The following PTH2R variants were observed in gnomAD, a reference collection of about 807,000 sequenced individuals.
PTH2R encodes the protein PTH2 receptor.
PTH2R carries 59 observed loss-of-function variants against 60.3 expected under a neutral mutation model. That is an observed-to-expected ratio of 0.98 (90% CI 0.79 to 1.22). The LOEUF is 1.22. PTH2R is among the 50% of genes most tolerant of loss of function. The pLI is 0.00. For synonymous variants in PTH2R, 256 were observed against 243.8 expected, an observed-to-expected ratio of 1.05 and a Z score of -0.47; for missense variants, 749 against 682.6, an observed-to-expected ratio of 1.10 and a Z score of -1.08.
intron 1 of PTH2R, among the ~76,000 whole-genome samples, chr2:208,377,632 C>A (rs1466364934): frequency 1.3e-5 from 2 of 151,296 alleles, no homozygotes; most frequent in Admixed American, 6.6e-5. Flanking sequence ...GGCTGCTGGG[C>A]AGAGGGGCTC....
intron 2 of PTH2R, among the ~76,000 whole-genome samples, chr2:208,436,208 T>C (rs1702071530): frequency 6.6e-6 from 1 of 152,094 alleles, no homozygotes; most frequent in African/African-American, 2.4e-5. Flanking sequence ...GGAAAAGGTA[T>C]AAGGAAGATT....
At chr2:208,470,116 T>C (rs1301657923) in intron 9 of PTH2R, among the ~76,000 whole-genome samples, 2 of 152,222 alleles carry the variant, frequency 1.3e-5, no homozygotes, top group Non-Finnish European at 2.9e-5. Context: ...GACTTACTCT[T>C]GGGTACTTAT....
intron 8 of PTH2R, among the ~76,000 whole-genome samples, chr2:208,453,122 C>T (rs1390979004): frequency 2.6e-5 from 4 of 152,220 alleles, no homozygotes; most frequent in Admixed American, 2.6e-4. Context: ...CTATGTCTAG[C>T]CTTTTGTCTT....
chr2:208,437,481 C>G, intron 2 of PTH2R, 56 bp from the exon 3 acceptor site: 3 of 1,458,340 alleles, frequency 2.1e-6, no homozygotes, highest in Non-Finnish European at 2.8e-6. Context: ...CATTTGTTCT[C>G]TGGTTCTAAC....
intron 2 of PTH2R, among the ~76,000 whole-genome samples, chr2:208,433,257 T>G (rs1444588659): frequency 2.6e-5 from 4 of 152,226 alleles, no homozygotes; most frequent in African/African-American, 9.6e-5. Flanking sequence ...GTTATTTGCA[T>G]GGAGATCTTT....
chr2:208,386,340 G>T (rs1392284928), intron 1 of PTH2R, among the ~76,000 whole-genome samples: 2 of 152,220 alleles, frequency 1.3e-5, no homozygotes, highest in Non-Finnish European at 2.9e-5. Context: ...ATATGGTATT[G>T]ATGTAGATTC....
At chr2:208,412,585 G>T (rs564372657) in intron 1 of PTH2R, among the ~76,000 whole-genome samples, 1 of 152,330 alleles carries the variant, frequency 6.6e-6, no homozygotes, top group East Asian at 1.9e-4. Context: ...AGCCTTGAAA[G>T]GCAGAGGTAG....
chr2:208,438,016 G>A (rs781536523), intron 4 of PTH2R, 135 bp downstream of exon 4: 37 of 1,213,930 alleles, frequency 3.0e-5, no homozygotes, highest in Non-Finnish European at 4.1e-5. Context: ...TAAAAGCAAT[G>A]TTGCAATCTT....
At chr2:208,487,447 G>T (rs1559234663) in intron 10 of PTH2R, among the ~76,000 whole-genome samples, 1 of 152,160 alleles carries the variant, frequency 6.6e-6, no homozygotes, top group African/African-American at 2.4e-5. Context: ...GAGAAAGGGA[G>T]ATATTTGCAA....
At chr2:208,383,074 C>T (rs1700945098) in intron 1 of PTH2R, among the ~76,000 whole-genome samples, 1 of 152,236 alleles carries the variant, frequency 6.6e-6, no homozygotes, top group Non-Finnish European at 1.5e-5. Flanking sequence ...TAGCCCAATC[C>T]CTCAATTTCT....
In PTH2R at chr2:208,493,856, T is replaced by C; in HGVS notation, c.*197T>C. Reference sequence around the variant, plus strand: ...ATGCAAGTGTCAATGGAGTAGTTTATTACCTTCTATTGGCATCAAGTTTTC... The same window carrying C: ...ATGCAAGTGTCAATGGAGTAGTTTACTACCTTCTATTGGCATCAAGTTTTC... On this transcript the variant is annotated 3_prime_UTR_variant, in exon 13 of 13. Transcript: ENST00000272847. 1 of 471,610 alleles carries C rather than the reference T, an allele frequency of 2.1e-6. No individual in the cohort carries two copies. The allele number at this position is 471,610 out of a possible 1,614,324, so 29.2% of individuals were successfully genotyped here.
intron 1 of PTH2R, chr2:208,360,965 A>G (rs1700460951): frequency 8.8e-6 from 2 of 226,116 alleles, no homozygotes; most frequent in South Asian, 7.4e-5. Context: ...CTGGGATGCC[A>G]GTCCAGGCTG....
chr2:208,374,929 C>A (rs1700767409), intron 1 of PTH2R, among the ~76,000 whole-genome samples: 1 of 152,110 alleles, frequency 6.6e-6, no homozygotes, highest in South Asian at 2.1e-4. Flanking sequence ...AGACGCCACT[C>A]CTAGCCTCAA....
chr2:208,388,137 C>CCCCA (rs1701038593), intron 1 of PTH2R, among the ~76,000 whole-genome samples: 2 of 149,440 alleles, frequency 1.3e-5, no homozygotes, highest in East Asian at 4.0e-4. Context: ...GTGAAACCCC[C>CCCCA]CCCCCCGTCT....
intron 1 of PTH2R, among the ~76,000 whole-genome samples, chr2:208,424,197 G>A (rs1192998052): frequency 2.0e-5 from 3 of 152,192 alleles, no homozygotes; most frequent in African/African-American, 7.2e-5. Flanking sequence ...GTGAAGAAAA[G>A]GTGGGGGTGT....
chr2:208,359,978 G>C (rs1700413645), exon 1 of PTH2R: 2 of 281,522 alleles, frequency 7.1e-6, no homozygotes, highest in African/African-American at 4.5e-5. Flanking sequence ...GGGAGGAGCG[G>C]ATGGGGCTTG....
At chr2:208,423,770 G>GT (rs1164413294) in intron 1 of PTH2R, among the ~76,000 whole-genome samples, 1 of 151,640 alleles carries the variant, frequency 6.6e-6, no homozygotes, top group Non-Finnish European at 1.5e-5. Flanking sequence ...TTGCAGCTCT[G>GT]TTTTTTTGAT....
rs1195310726 is a variant in PTH2R at position 208,437,750 on chromosome 2, G to A, written c.290-10G>A. On this transcript the variant is annotated splice_polypyrimidine_tract_variant and intron_variant, in intron 3 of 12. Transcript: ENST00000272847. ...ACTGAGCGATCTCAGCATCTTTCATGTCTTTACAGGAGTTGCTTTCCGACA... is the reference window on the plus strand; with the variant it reads ...ACTGAGCGATCTCAGCATCTTTCATATCTTTACAGGAGTTGCTTTCCGACA... 1 of 1,609,406 alleles carries A rather than the reference G, an allele frequency of 6.2e-7. No homozygotes were observed. The highest frequency in any genetic ancestry group is 8.5e-7 in the Non-Finnish European group (1 of 1,176,144).
intron 9 of PTH2R, among the ~76,000 whole-genome samples, chr2:208,460,251 T>C (rs1243267999): frequency 6.6e-6 from 1 of 152,248 alleles, no homozygotes; most frequent in East Asian, 1.9e-4. Flanking sequence ...CTATGTCTCC[T>C]TTTCATCCAC....
Sources: allele counts gnomAD v4.1 joint callset (sites outside exome capture counted in the v4.1 genomes callset), GRCh38; gene constraint gnomAD v4.1.1; transcripts MANE v1.5; gene names NCBI Gene and HGNC (gene_info 2026-07-23, HGNC 2026-07-21).